The following TMPO variants were observed in gnomAD, a reference collection of about 807,000 sequenced individuals.
The protein encoded by TMPO is LEM domain containing 4.
TMPO carries 22 observed loss-of-function variants against 45.4 expected under a neutral mutation model. That is an observed-to-expected ratio of 0.48 (90% confidence interval 0.35 to 0.69). The LOEUF is 0.69. Among genes scored for constraint, TMPO ranks in the 30% least tolerant of loss-of-function variants. The probability of loss-of-function intolerance (pLI) is 0.01; values close to 1 mark genes in which losing one functional copy is unlikely to be tolerated. For missense variants in TMPO, 512 were observed against 548.8 expected, an observed-to-expected ratio of 0.93 and a Z score of 0.67; for synonymous variants, 241 against 204.1, an observed-to-expected ratio of 1.18 and a Z score of -1.54.
intron 3 of TMPO, among the ~76,000 whole-genome samples, chr12:98,536,982 A>G (rs1190511641): frequency 6.6e-6 from 1 of 152,218 alleles, no homozygotes; most frequent in East Asian, 1.9e-4. Context: ...GCAGTTACTT[A>G]TAGAAGCTTG....
chr12:98,547,330 C>T (rs1470405363), intron 8 of TMPO, among the ~76,000 whole-genome samples: 1 of 152,206 alleles, frequency 6.6e-6, no homozygotes, highest in African/African-American at 2.4e-5. Flanking sequence ...CCGCCTTGGC[C>T]TCCCAAAGTG....
At chr12:98,519,396 G>T (rs1001200008) in intron 1 of TMPO, among the ~76,000 whole-genome samples, 1 of 151,812 alleles carries the variant, frequency 6.6e-6, no homozygotes, top group Non-Finnish European at 1.5e-5. Context: ...AAGGGGTTTC[G>T]CCATGTTGGC....
chr12:98,537,367 T>C, intron 3 of TMPO, 108 bp from the exon 4 acceptor site: 1 of 885,538 alleles, frequency 1.1e-6, no homozygotes, highest in Non-Finnish European at 1.8e-6. Flanking sequence ...TAGACTTGTT[T>C]TTCACCTTTT....
In TMPO at chr12:98,548,053, G is replaced by T. The variant is rs1878331052; in HGVS notation, c.*195G>T. The T allele has an allele frequency of 3.3e-6, 2 of 603,770 alleles. No individual in the cohort carries two copies. The highest frequency in any genetic ancestry group is 3.7e-5 in the African/African-American group (2 of 53,572). The allele number at this position is 603,770 out of a possible 1,614,324, so 37.4% of individuals were successfully genotyped here. A position where few individuals can be genotyped will look rare whatever the true frequency, so the allele number is the denominator to read the frequency against. Reference sequence around the variant, plus strand: ...ATGTTTTTGAACTTTGGACTAGTAGGAGATCACTTTGTGCCATATGAATAA... The same window carrying T: ...ATGTTTTTGAACTTTGGACTAGTAGTAGATCACTTTGTGCCATATGAATAA... On this transcript the variant is annotated 3_prime_UTR_variant, in exon 9 of 9. Coordinates refer to ENST00000556029, the MANE Select transcript of TMPO (RefSeq NM_001032283.3).
intron 1 of TMPO, chr12:98,516,536 C>T: frequency 1.9e-6 from 2 of 1,034,614 alleles, no homozygotes; most frequent in Non-Finnish European, 2.3e-6. Flanking sequence ...CGAGCGTTTT[C>T]CCGCTTTATT....
At chr12:98,519,134 G>A (rs1231421715) in intron 1 of TMPO, among the ~76,000 whole-genome samples, 1 of 152,078 alleles carries the variant, frequency 6.6e-6, no homozygotes, top group African/African-American at 2.4e-5. Flanking sequence ...CTCCCGTCTC[G>A]GCTTCTCAAA....
At chr12:98,519,715 G>A (rs1324805564) in intron 1 of TMPO, among the ~76,000 whole-genome samples, 1 of 152,138 alleles carries the variant, frequency 6.6e-6, no homozygotes, top group Non-Finnish European at 1.5e-5. Context: ...TTGGTAGTCA[G>A]CGTCATTTTC....
At chr12:98,532,525 G>T (rs1323665129) in intron 3 of TMPO, among the ~76,000 whole-genome samples, 1 of 152,088 alleles carries the variant, frequency 6.6e-6, no homozygotes, top group Admixed American at 6.6e-5. Context: ...CTTAAAATTT[G>T]ATCATGATGT....
chr12:98,532,714 A>T, intron 3 of TMPO: 2 of 1,541,342 alleles, frequency 1.3e-6, no homozygotes, highest in Non-Finnish European at 1.8e-6. Context: ...TCAGAATATG[A>T]AATTATAGTC....
rs546567214 is a variant in TMPO at position 98,544,052 on chromosome 12, C to T, written c.664-178C>T. The T allele has an allele frequency of 4.8e-6, 3 of 629,738 alleles. No homozygotes were observed. The African/African-American group carries it at 5.5e-5, about 12-fold the overall frequency. The allele number at this position is 629,738 out of a possible 1,614,324, so 39.0% of individuals were successfully genotyped here. A position where few individuals can be genotyped will look rare whatever the true frequency, so the allele number is the denominator to read the frequency against. ...TATTTTAGCACTTTTTAAGTGTTTCCTGATGCCTAAATATCAGTTCAATTA... is the reference window on the plus strand; with the variant it reads ...TATTTTAGCACTTTTTAAGTGTTTCTTGATGCCTAAATATCAGTTCAATTA... On this transcript the variant is annotated intron_variant, in intron 4 of 8. Transcript: ENST00000556029.
rs1302792297 is a variant in TMPO at position 98,547,999 on chromosome 12, CA to C, written c.*145del. 60 of 954,790 alleles carry C rather than the reference CA, an allele frequency of 6.3e-5. No homozygotes were observed. The South Asian group carries it at 9.2e-4, about 15-fold the overall frequency. 59.1% of individuals were successfully genotyped at this position (954,790 alleles called of 1,614,324 possible). ...ATGTAGTATTTCATTGAAAAGCAAACAAAATATATATAAATGGACTTCATTA... is the reference window on the plus strand; with the variant it reads ...ATGTAGTATTTCATTGAAAAGCAAACAAATATATATAAATGGACTTCATTA... On this transcript the variant is annotated 3_prime_UTR_variant, in exon 9 of 9. Coordinates refer to ENST00000556029, the MANE Select transcript of TMPO (RefSeq NM_001032283.3).
intron 4 of TMPO, among the ~76,000 whole-genome samples, chr12:98,539,044 T>C (rs1019016458): frequency 6.6e-6 from 1 of 151,724 alleles, no homozygotes; most frequent in African/African-American, 2.4e-5. Flanking sequence ...CTACTAAAAA[T>C]ACAAAATTAG....
chr12:98,518,029 G>C (rs1424546099), intron 1 of TMPO, among the ~76,000 whole-genome samples: 1 of 152,004 alleles, frequency 6.6e-6, no homozygotes, highest in Non-Finnish European at 1.5e-5. Flanking sequence ...AATTAGCCGT[G>C]CCTGGTGGCG....
At chr12:98,545,649 T>TATAGTA (rs1353217593) in intron 7 of TMPO, among the ~76,000 whole-genome samples, 1 of 152,226 alleles carries the variant, frequency 6.6e-6, no homozygotes, top group Non-Finnish European at 1.5e-5. Context: ...TTTTAAAACA[T>TATAGTA]ATAGTAAAGT....
intron 1 of TMPO, 98 bp from the exon 2 acceptor site, chr12:98,527,788 A>G (rs1327869274): frequency 3.5e-6 from 5 of 1,426,426 alleles, no homozygotes; most frequent in African/African-American, 1.4e-5. Flanking sequence ...CTATAAACCA[A>G]TTTGGTAGTG....
chr12:98,540,089 C>G (rs1024820982), intron 4 of TMPO, among the ~76,000 whole-genome samples: 3 of 152,240 alleles, frequency 2.0e-5, no homozygotes, highest in Non-Finnish European at 4.4e-5. Flanking sequence ...GCTGTTACCA[C>G]TGTAACTTTT....
chr12:98,547,898 T>G lies in TMPO; in HGVS notation c.*40T>G. The G allele has an allele frequency of 6.2e-7, 1 of 1,605,382 alleles. No homozygotes were observed. The highest frequency in any genetic ancestry group is 1.1e-5 in the South Asian group (1 of 89,534). On this transcript the variant is annotated 3_prime_UTR_variant, in exon 9 of 9. Coordinates refer to ENST00000556029, the MANE Select transcript of TMPO (RefSeq NM_001032283.3). ...GCACGTTCAACTTGGTCTCCTATTT[T>G]CAATAACTGTTGAAAAACATTTGTG...
At chr12:98,547,477 C>G in intron 8 of TMPO, 96 bp from the exon 9 acceptor site, 1 of 1,446,616 alleles carries the variant, frequency 6.9e-7, no homozygotes, top group Non-Finnish European at 9.6e-7. Context: ...AGGGAATGTG[C>G]TTGGAATTAG....
At chr12:98,519,824 G>T (rs888924387) in intron 1 of TMPO, among the ~76,000 whole-genome samples, 1 of 152,038 alleles carries the variant, frequency 6.6e-6, no homozygotes, top group African/African-American at 2.4e-5. Context: ...TACAGGAAAA[G>T]AAATTTATAA....
Sources: allele counts gnomAD v4.1 joint callset (sites outside exome capture counted in the v4.1 genomes callset), GRCh38; gene constraint gnomAD v4.1.1; transcripts MANE v1.5; gene names NCBI Gene and HGNC (gene_info 2026-07-23, HGNC 2026-07-21).